HMGCS1: variants seen among roughly 807,000 people sequenced by gnomAD.
HMGCS1 encodes 3-hydroxy-3-methylglutaryl-CoA synthase 1, also known as hydroxymethylglutaryl-CoA synthase, cytoplasmic.
Under a neutral mutation model 52.3 loss-of-function variants are expected in HMGCS1, and 9 were observed. The observed-to-expected ratio is 0.17, with a 90% CI of 0.10 to 0.30. The LOEUF (loss-of-function observed/expected upper bound fraction) is 0.30. Ranked by LOEUF, HMGCS1 falls within the 10% of genes least tolerant of loss-of-function variation. The pLI, the probability that HMGCS1 is intolerant of heterozygous loss-of-function variation, is 1.00. For missense variants in HMGCS1, 320 were observed against 620.9 expected (o/e 0.52, Z 5.15); for synonymous variants, 176 against 214.4 (o/e 0.82, Z 1.57).
At chr5:43,304,646 A>C (rs561505018) in intron 2 of HMGCS1, among the ~76,000 whole-genome samples, 1 of 152,368 alleles carries the variant, frequency 6.6e-6, no homozygotes, top group African/African-American at 2.4e-5. Context: ...AATGTCCTAC[A>C]TTAAATACAT....
rs774984133 is a variant in HMGCS1, at chr5:43,298,710, A to T, written c.256T>A (p.Cys86Ser). 6.8e-6 allele frequency: 11 copies of T among 1,614,150 alleles called. No individual in the cohort carries two copies. Among genetic ancestry groups the T allele is most frequent in the Non-Finnish European group, 9.3e-6 (11 of 1,180,058 alleles). The change falls in exon 3 of 11, where the codon TGC becomes AGC. Residue 86 changes from cysteine (C) to serine (S), a missense_variant. By Grantham distance (112) the Cys-to-Ser change is moderately radical (BLOSUM62 -1). Coordinates refer to ENST00000325110, the MANE Select transcript of HMGCS1 (RefSeq NM_001098272.3). This position sits in a 1 kb window ranked among gnomAD's most constrained non-coding sequence, Gnocchi z 5.6. ...GTTCCAACTTCCAGCCGCCCAATGCAATCATAGGAAAGGTTATTTCTCTCC... is the reference window on the plus strand; with the variant it reads ...GTTCCAACTTCCAGCCGCCCAATGCTATCATAGGAAAGGTTATTTCTCTCC... ...LMERNNLSYDCIGRLEVGTET... is the reference protein window; with the variant it reads ...LMERNNLSYDSIGRLEVGTET...
At chr5:43,311,322 CA>C (rs34754612) in intron 1 of HMGCS1, among the ~76,000 whole-genome samples, 43,859 of 98,710 alleles carry the variant, frequency 0.44, 5,722 homozygotes, top group Middle Eastern at 0.63. Flanking sequence ...TCTGTCTCCC[CA>C]AAAAAAAAAA....
At chr5:43,296,560 A>G (rs1754041739) in intron 5 of HMGCS1, among the ~76,000 whole-genome samples, 3 of 152,218 alleles carry the variant, frequency 2.0e-5, no homozygotes, top group Admixed American at 1.3e-4. Flanking sequence ...ACAAATTTCC[A>G]GATTAATGAT....
rs113308532 is a variant in HMGCS1, at chr5:43,297,037, A to G, written c.704T>C (p.Val235Ala). 1 of 1,613,808 alleles carries G rather than the reference A, an allele frequency of 6.2e-7. No homozygotes were observed. Among genetic ancestry groups the G allele is most frequent in the Non-Finnish European group, 8.5e-7 (1 of 1,179,836 alleles). Residue 235 changes from valine to alanine, a missense_variant, in exon 5 of 11, where the codon GTC becomes GCC. Physicochemically the swap from Val to Ala is moderately conservative, Grantham distance 64. Coordinates refer to ENST00000325110, the MANE Select transcript of HMGCS1 (RefSeq NM_001098272.3). ...CTGGGCATGGATCTTTTTGCAGTAG[A>G]CAGAATAGCAGCGGTCTAATGCACT... ...YLSALDRCYS[V>A]YCKKIHAQWQ...
intron 2 of HMGCS1, among the ~76,000 whole-genome samples, chr5:43,304,177 T>A (rs1300096989): frequency 1.3e-5 from 2 of 152,198 alleles, no homozygotes; most frequent in African/African-American, 4.8e-5. Context: ...AAAAGACTAG[T>A]CCATAGGCTT....
intron 2 of HMGCS1, among the ~76,000 whole-genome samples, chr5:43,300,296 T>C (rs1389325266): frequency 6.6e-6 from 1 of 152,176 alleles, no homozygotes; most frequent in Non-Finnish European, 1.5e-5. Flanking sequence ...ATTTCCTTTT[T>C]AGGTATGACA....
rs1167213654 is a variant in HMGCS1 at position 43,289,897 on chromosome 5, A to G, written c.*1234T>C. 2 of 152,000 alleles carry G rather than the reference A, an allele frequency of 1.3e-5. No homozygotes were observed. Among genetic ancestry groups the G allele is most frequent in the African/African-American group, 4.8e-5 (2 of 41,298 alleles). 9.4% of individuals were successfully genotyped at this position (152,000 alleles called of 1,614,324 possible). A position where few individuals can be genotyped will look rare whatever the true frequency, so the allele number is the denominator to read the frequency against. ...CAACTATCCCTATTTTACAATCTAT[A>G]AGGCTCATGTCATAGTTCAGCACCA... On this transcript the variant is annotated 3_prime_UTR_variant, in exon 11 of 11. Coordinates refer to ENST00000325110, the MANE Select transcript of HMGCS1 (RefSeq NM_001098272.3).
rs1754144673 is a variant in HMGCS1, at chr5:43,298,475, A to G, written c.448+43T>C. Reference sequence around the variant, plus strand: ...GTCATCTGGGTCTATTGAACCTTAGAAAAAAATTTTGGGGGACGGCGGGGA... The same window carrying G: ...GTCATCTGGGTCTATTGAACCTTAGGAAAAAATTTTGGGGGACGGCGGGGA... On this transcript the variant is annotated intron_variant, in intron 3 of 10. Coordinates refer to ENST00000325110, the MANE Select transcript of HMGCS1 (RefSeq NM_001098272.3). This position sits in a 1 kb window ranked among gnomAD's most constrained non-coding sequence, Gnocchi z 5.6. The G allele has an allele frequency of 6.6e-7, 1 of 1,524,602 alleles. No individual in the cohort carries two copies. The highest frequency in any genetic ancestry group is 8.9e-7 in the Non-Finnish European group (1 of 1,118,608). 94.4% of individuals were successfully genotyped at this position (1,524,602 alleles called of 1,614,324 possible).
rs772131971 is a variant in HMGCS1, at chr5:43,298,011, C to T, written c.572G>A (p.Arg191Gln). The T allele has an allele frequency of 4.3e-6, 7 of 1,612,802 alleles. No homozygotes were observed. Among genetic ancestry groups the T allele is most frequent in the African/African-American group, 1.3e-5 (1 of 74,950 alleles). The change falls in exon 4 of 11, where the codon CGA (arginine) becomes CAA (glutamine). Residue 191 changes from arginine (R) to glutamine (Q), a missense_variant and splice_region_variant. Physicochemically the swap from Arg to Gln is conservative, Grantham distance 43. This residue lies in a region of HMGCS1 where 85 missense variants were observed against 260.0 expected (regional missense o/e 0.33). Coordinates refer to ENST00000325110, the MANE Select transcript of HMGCS1 (RefSeq NM_001098272.3). This position sits in a 1 kb window ranked among gnomAD's most constrained non-coding sequence, Gnocchi z 5.6. ...IGPNAPLIFE[R>Q]GLRGTHMQHA... ...AAAATGCTTTCCCAAGCACTTACCT[C>T]GTTCAAAAATTAAAGGAGCATTTGG...
intron 2 of HMGCS1, among the ~76,000 whole-genome samples, chr5:43,301,698 T>A (rs1480884599): frequency 1.3e-5 from 2 of 152,208 alleles, no homozygotes; most frequent in African/African-American, 2.4e-5. Context: ...TGTGAATGGA[T>A]GAGTTAGGAA....
chr5:43,290,394 T>C lies in HMGCS1; in HGVS notation c.*737A>G, dbSNP rs1561105199. 1 of 152,252 alleles carries C rather than the reference T, an allele frequency of 6.6e-6. No homozygotes were observed. The highest frequency in any genetic ancestry group is 1.5e-5 in the Non-Finnish European group (1 of 68,036). The allele number at this position is 152,252 out of a possible 1,614,324, so 9.4% of individuals were successfully genotyped here. ...TGATTCAGGAGCACACCTAGAGCTA[T>C]ATTCACAGCTCCTGAATGTACCATG... On this transcript the variant is annotated 3_prime_UTR_variant, in exon 11 of 11. Coordinates refer to ENST00000325110, the MANE Select transcript of HMGCS1 (RefSeq NM_001098272.3).
rs1356270835 is a variant in HMGCS1 at position 43,289,444 on chromosome 5, A to AT, written c.*1686dup. 6.6e-6 allele frequency: 1 copy of AT among 152,652 alleles called. No homozygotes were observed. The highest frequency in any genetic ancestry group is 1.5e-5 in the Non-Finnish European group (1 of 68,032). The allele number at this position is 152,652 out of a possible 1,614,324, so 9.5% of individuals were successfully genotyped here. A position where few individuals can be genotyped will look rare whatever the true frequency, so the allele number is the denominator to read the frequency against. ...TTCAAAGTTATTCACCTCACCGTTA[A>AT]TAAGGTGTATGATTAATGCTCTGTG... On this transcript the variant is annotated 3_prime_UTR_variant, in exon 11 of 11. Coordinates refer to ENST00000325110, the MANE Select transcript of HMGCS1 (RefSeq NM_001098272.3).
rs1753710869 is a variant in HMGCS1 at position 43,290,766 on chromosome 5, A to T, written c.*365T>A. The T allele has an allele frequency of 6.0e-6, 1 of 165,696 alleles. No individual in the cohort carries two copies. Among genetic ancestry groups the T allele is most frequent in the Non-Finnish European group, 1.3e-5 (1 of 77,144 alleles). The allele number at this position is 165,696 out of a possible 1,614,324, so 10.3% of individuals were successfully genotyped here. A position where few individuals can be genotyped will look rare whatever the true frequency, so the allele number is the denominator to read the frequency against. ...GTACAAAATTCTTACATGTTAAAAAATTTTTTAATTGGAGATTAGTACCTC... is the reference window on the plus strand; with the variant it reads ...GTACAAAATTCTTACATGTTAAAAATTTTTTTAATTGGAGATTAGTACCTC... On this transcript the variant is annotated 3_prime_UTR_variant, in exon 11 of 11. Transcript: ENST00000325110.
Position 43,291,079 on chromosome 5 carries a change from A to ACCCCCCCCCCCAACCC in HMGCS1, c.*51_*52insGGGTTGGGGGGGGGGG. ...ATCCCATTCCTCCAACTGTTCCCAT[A>ACCCCCCCCCCCAACCC]CCCCCACCCCATGCCCACCCCACCC... On this transcript the variant is annotated 3_prime_UTR_variant, in exon 11 of 11. Coordinates refer to ENST00000325110, the MANE Select transcript of HMGCS1 (RefSeq NM_001098272.3). 1 of 780,104 alleles carries ACCCCCCCCCCCAACCC rather than the reference A, an allele frequency of 1.3e-6. No individual in the cohort carries two copies. The highest frequency in any genetic ancestry group is 2.3e-6 in the Non-Finnish European group (1 of 430,614). 48.3% of individuals were successfully genotyped at this position (780,104 alleles called of 1,614,324 possible).
At chr5:43,294,886 A>G in intron 6 of HMGCS1, 25 bp from the exon 7 acceptor site, 1 of 1,525,598 alleles carries the variant, frequency 6.6e-7, no homozygotes, top group Non-Finnish European at 9.0e-7. Flanking sequence ...TTACAGTTTT[A>G]CAGTGTTTAA....
intron 2 of HMGCS1, among the ~76,000 whole-genome samples, chr5:43,299,844 T>G (rs1754224899): frequency 6.6e-6 from 1 of 152,182 alleles, no homozygotes; most frequent in Non-Finnish European, 1.5e-5. Flanking sequence ...TTCAGCTTCT[T>G]TAACAGGTTG....
rs1280285209 is a variant in HMGCS1 at position 43,291,088 on chromosome 5, C to A, written c.*43G>T. 6.4e-6 allele frequency: 5 copies of A among 777,776 alleles called. No homozygotes were observed. Among genetic ancestry groups the A allele is most frequent in the East Asian group, 5.1e-5 (2 of 39,198 alleles). 48.2% of individuals were successfully genotyped at this position (777,776 alleles called of 1,614,324 possible). On this transcript the variant is annotated 3_prime_UTR_variant, in exon 11 of 11. Coordinates refer to ENST00000325110, the MANE Select transcript of HMGCS1 (RefSeq NM_001098272.3). ...CTCCAACTGTTCCCATACCCCCACC[C>A]CATGCCCACCCCACCCTGAAGTCTT...
chr5:43,293,341 C>T (rs578222484), intron 8 of HMGCS1, among the ~76,000 whole-genome samples: 1 of 152,314 alleles, frequency 6.6e-6, no homozygotes, highest in Non-Finnish European at 1.5e-5. Context: ...AATCCTCCCA[C>T]CTCAGCCTCC....
At chr5:43,302,556 T>G (rs1754372820) in intron 2 of HMGCS1, among the ~76,000 whole-genome samples, 1 of 152,194 alleles carries the variant, frequency 6.6e-6, no homozygotes, top group Non-Finnish European at 1.5e-5. Context: ...CTCTTACAAT[T>G]GCTATCAGAC....
Sources: allele counts gnomAD v4.1 joint callset (sites outside exome capture counted in the v4.1 genomes callset), GRCh38; gene constraint gnomAD v4.1.1; regional missense constraint gnomAD v4.1.1; non-coding constraint Gnocchi (gnomAD v3.1); transcripts MANE v1.5; gene names NCBI Gene and HGNC (gene_info 2026-07-23, HGNC 2026-07-21).